Variants in CLOCK observed in about 807,000 individuals in gnomAD.
CLOCK encodes the protein circadian locomoter output cycles protein kaput.
A neutral mutation model predicts 118.4 loss-of-function variants in CLOCK; 43 were observed. That is an observed-to-expected ratio of 0.36 (90% confidence interval 0.28 to 0.47). CLOCK has a LOEUF of 0.47. CLOCK is among the 20% of genes least tolerant of loss of function. The probability of loss-of-function intolerance (pLI) is 1.00; values close to 1 mark genes in which losing one functional copy is unlikely to be tolerated. For missense variants in CLOCK, 846 were observed against 999.9 expected (o/e 0.85, Z 2.08); for synonymous variants, 326 against 339.2 (o/e 0.96, Z 0.43).
intron 1 of CLOCK, among the ~76,000 whole-genome samples, chr4:55,546,267 C>T (rs28463765): frequency 0.29 from 43,402 of 152,022 alleles, 6,732 homozygotes; most frequent in Middle Eastern, 0.4. Context: ...CCGGCCCCGC[C>T]GTGCACCCCA....
intron 1 of CLOCK, among the ~76,000 whole-genome samples, chr4:55,526,301 C>T (rs1457762750): frequency 6.6e-6 from 1 of 151,908 alleles, no homozygotes; most frequent in African/African-American, 2.4e-5. Context: ...CATAAATAGG[C>T]AAAAATCATC....
intron 6 of CLOCK, among the ~76,000 whole-genome samples, chr4:55,476,557 T>C (rs1726524340): frequency 6.6e-6 from 1 of 152,182 alleles, no homozygotes; most frequent in Admixed American, 6.5e-5. Context: ...AAGTGCTCTA[T>C]CTTAATTAAT....
At chr4:55,534,719 C>T (rs752752277) in intron 1 of CLOCK, among the ~76,000 whole-genome samples, 2 of 152,006 alleles carry the variant, frequency 1.3e-5, no homozygotes, top group Non-Finnish European at 2.9e-5. Flanking sequence ...TAAATACTTG[C>T]TGAATGAACA....
intron 1 of CLOCK, among the ~76,000 whole-genome samples, chr4:55,533,595 T>C (rs899578234): frequency 6.6e-6 from 1 of 152,234 alleles, no homozygotes; most frequent in Admixed American, 6.6e-5. Flanking sequence ...TTGGGATTGT[T>C]TGTAAATCCG....
intron 2 of CLOCK, among the ~76,000 whole-genome samples, chr4:55,507,139 C>T (rs188706525): frequency 6.6e-6 from 1 of 151,970 alleles, no homozygotes; most frequent in Non-Finnish European, 1.5e-5. Context: ...CATAGTGAAA[C>T]CTCATCTCTA....
intron 13 of CLOCK, 115 bp downstream of exon 13, chr4:55,455,782 A>G (rs529034351): frequency 1.9e-5 from 15 of 802,578 alleles, no homozygotes; most frequent in Admixed American, 1.4e-4. Context: ...ATCTTTTAGC[A>G]TATTTCAAAA....
At chr4:55,448,932 G>A in intron 17 of CLOCK, 64 bp from the exon 18 acceptor site, 1 of 1,225,146 alleles carries the variant, frequency 8.2e-7, no homozygotes, top group Non-Finnish European at 1.2e-6. Flanking sequence ...ACTTCCAGCA[G>A]AAATATCAAT....
At chr4:55,476,300 G>A (rs2109880584) in intron 6 of CLOCK, among the ~76,000 whole-genome samples, 1 of 152,244 alleles carries the variant, frequency 6.6e-6, no homozygotes, top group East Asian at 1.9e-4. Context: ...TTGGTACTCT[G>A]ATAGTTATGT....
chr4:55,449,523 T>C, intron 16 of CLOCK, 27 bp from the exon 17 acceptor site: 1 of 1,524,456 alleles, frequency 6.6e-7, no homozygotes, highest in Non-Finnish European at 9.1e-7. Flanking sequence ...CAGAAGAGCA[T>C]TAGTACTTTA....
At chr4:55,532,970 G>C (rs911169275) in intron 1 of CLOCK, among the ~76,000 whole-genome samples, 3 of 152,122 alleles carry the variant, frequency 2.0e-5, no homozygotes, top group Non-Finnish European at 4.4e-5. Context: ...AAATCAAAGA[G>C]AGAATACAAA....
At chr4:55,465,386 C>T (rs1447216235) in intron 8 of CLOCK, among the ~76,000 whole-genome samples, 1 of 152,092 alleles carries the variant, frequency 6.6e-6, no homozygotes, top group African/African-American at 2.4e-5. Context: ...CCCATGGATA[C>T]CAAAGGATGA....
intron 8 of CLOCK, among the ~76,000 whole-genome samples, chr4:55,468,862 G>A (rs1442228530): frequency 2.6e-5 from 4 of 152,122 alleles, no homozygotes; most frequent in Non-Finnish European, 4.4e-5. Flanking sequence ...TATGACCACC[G>A]GTGGCCCTAA....
chr4:55,448,632 G>GTGTGTC, intron 18 of CLOCK, 147 bp downstream of exon 18: 1 of 605,588 alleles, frequency 1.7e-6, no homozygotes, highest in Non-Finnish European at 3.0e-6. Flanking sequence ...GTGTGTGTGT[G>GTGTGTC]TGTGTGTGTG....
rs116124154 is a variant in CLOCK at position 55,471,153 on chromosome 4, C to T, written c.349-347G>A. Among the ~76,000 whole-genome samples, 4 of 152,228 alleles carry T rather than the reference C, an allele frequency of 2.6e-5. No individual in the cohort carries two copies. The South Asian group carries it at 6.2e-4, about 24-fold the overall frequency. On this transcript the variant is annotated intron_variant, in intron 7 of 22. Coordinates refer to ENST00000513440, the MANE Select transcript of CLOCK (RefSeq NM_004898.4). The stretch of plus-strand genomic sequence containing the variant: ...GCTAATGTCTCCAAAGCATACAAGA[C>T]ATCAACAATGTTTTGTAGGCACACA...
rs1726494902 is a variant in CLOCK at position 55,476,116 on chromosome 4, C to T, written c.257-62G>A. Reference sequence around the variant, plus strand: ...CCACCGGAGGAGTACAAAAGCCCTACAAGTTATCTTGTCTCTTCCCATTCT... The same window carrying T: ...CCACCGGAGGAGTACAAAAGCCCTATAAGTTATCTTGTCTCTTCCCATTCT... On this transcript the variant is annotated intron_variant, in intron 6 of 22. Transcript: ENST00000513440. 4 of 1,048,074 alleles carry T rather than the reference C, an allele frequency of 3.8e-6. No homozygotes were observed. In the South Asian group the frequency reaches 5.1e-5, roughly 13 times the overall value. The allele number at this position is 1,048,074 out of a possible 1,614,324, so 64.9% of individuals were successfully genotyped here. A position where few individuals can be genotyped will look rare whatever the true frequency, so the allele number is the denominator to read the frequency against.
chr4:55,446,903 GT>G (rs1274342383), intron 18 of CLOCK, among the ~76,000 whole-genome samples: 1 of 152,116 alleles, frequency 6.6e-6, no homozygotes, highest in African/African-American at 2.4e-5. Flanking sequence ...ATCTTCAATA[GT>G]TTGTATTTGG....
intron 2 of CLOCK, among the ~76,000 whole-genome samples, chr4:55,507,486 G>A (rs1560465598): frequency 6.6e-6 from 1 of 151,996 alleles, no homozygotes; most frequent in Non-Finnish European, 1.5e-5. Flanking sequence ...GGTGGCGCAT[G>A]CTTGTAGTCC....
At chr4:55,475,729 A>G (rs1560443474) in intron 7 of CLOCK, among the ~76,000 whole-genome samples, 1 of 152,210 alleles carries the variant, frequency 6.6e-6, no homozygotes, top group South Asian at 2.1e-4. Context: ...TTTTAGCAAT[A>G]AAGTATTTTT....
intron 3 of CLOCK, among the ~76,000 whole-genome samples, chr4:55,487,812 CAGGCTT>C (rs758786936): frequency 6.6e-5 from 10 of 152,296 alleles, no homozygotes; most frequent in Middle Eastern, 3.4e-3. Context: ...TTTCCCACAG[CAGGCTT>C]AGGATCCTGG....
Sources: allele counts gnomAD v4.1 joint callset (sites outside exome capture counted in the v4.1 genomes callset), GRCh38; gene constraint gnomAD v4.1.1; transcripts MANE v1.5; gene names NCBI Gene and HGNC (gene_info 2026-07-23, HGNC 2026-07-21).